The following NFATC3 variants were observed in gnomAD, a reference collection of about 807,000 sequenced individuals.
NFATC3 encodes the protein nuclear factor of activated T-cells, cytoplasmic 3.
A neutral mutation model predicts 98.6 loss-of-function variants in NFATC3; 46 were observed. That is an observed-to-expected ratio of 0.47 (90% confidence interval 0.37 to 0.60). The LOEUF is 0.60. NFATC3 is among the 20% of genes least tolerant of loss of function. The pLI, the probability that NFATC3 is intolerant of heterozygous loss-of-function variation, is 0.00. For synonymous variants in NFATC3, 512 were observed against 472.2 expected (o/e 1.08, Z -1.09); for missense variants, 1,256 against 1,295.5 (o/e 0.97, Z 0.47).
chr16:68,183,480 C>A, intron 8 of NFATC3, 114 bp downstream of exon 8: 1 of 1,123,108 alleles, frequency 8.9e-7, no homozygotes, highest in Non-Finnish European at 1.2e-6. Context: ...ACAATGAAAA[C>A]ACCAACAGAT....
intron 9 of NFATC3, among the ~76,000 whole-genome samples, chr16:68,198,482 T>C (rs2040764769): frequency 6.6e-6 from 1 of 152,230 alleles, no homozygotes; most frequent in Non-Finnish European, 1.5e-5. Flanking sequence ...TAGGAGTTTT[T>C]CTAGAATCTG....
intron 9 of NFATC3, among the ~76,000 whole-genome samples, chr16:68,222,174 C>T (rs2041886962): frequency 6.6e-6 from 1 of 150,648 alleles, no homozygotes; most frequent in Non-Finnish European, 1.5e-5. Flanking sequence ...GGCGTAGTAG[C>T]ACATGCCTGT....
intron 2 of NFATC3, 90 bp downstream of exon 2, chr16:68,123,211 T>C: frequency 5.9e-6 from 8 of 1,355,552 alleles, no homozygotes; most frequent in Non-Finnish European, 7.8e-6. Flanking sequence ...AATGGTTATA[T>C]AATGGTTTGA....
Position 68,163,516 on chromosome 16 carries a change from G to A in NFATC3, c.1602-3327G>A, listed in dbSNP as rs561664827. Among the ~76,000 whole-genome samples the A allele has an allele frequency of 9.2e-3, 1,200 of 129,734 alleles. 15 individuals are homozygous for A. The highest frequency in any genetic ancestry group is 0.032 in the African/African-American group (1,106 of 34,972). 85.1% of individuals were successfully genotyped at this position (129,734 alleles called of 152,430 possible). On this transcript the variant is annotated intron_variant, in intron 4 of 9. Coordinates refer to ENST00000346183, the MANE Select transcript of NFATC3 (RefSeq NM_173165.3). Reference sequence around the variant, plus strand: ...GGGCTGACCCCCCCACTTCCCTCCCGGACGGGGCGGCTGGCCTGGTGGGGG... The same window carrying A: ...GGGCTGACCCCCCCACTTCCCTCCCAGACGGGGCGGCTGGCCTGGTGGGGG...
chr16:68,152,760 A>C (rs1293332534), intron 3 of NFATC3, among the ~76,000 whole-genome samples: 3 of 152,194 alleles, frequency 2.0e-5, no homozygotes. Flanking sequence ...TCAAAAGAAT[A>C]CTATTTTCTG....
chr16:68,150,456 C>T (rs973897438), intron 3 of NFATC3, among the ~76,000 whole-genome samples: 1 of 150,296 alleles, frequency 6.7e-6, no homozygotes, highest in South Asian at 2.1e-4. Context: ...GTGGCACACT[C>T]CTGATGTCCT....
intron 9 of NFATC3, chr16:68,200,681 A>C (rs1397231512): frequency 1.3e-5 from 2 of 152,192 alleles, no homozygotes; most frequent in Admixed American, 1.3e-4. Flanking sequence ...GGCATAGTTC[A>C]TGACTATTTT....
At chr16:68,202,695 C>G (rs1351651324) in intron 9 of NFATC3, among the ~76,000 whole-genome samples, 1 of 151,970 alleles carries the variant, frequency 6.6e-6, no homozygotes, top group Non-Finnish European at 1.5e-5. Flanking sequence ...ACCTATAATC[C>G]CAGCTACTCG....
intron 9 of NFATC3, among the ~76,000 whole-genome samples, chr16:68,203,547 C>T (rs1240082202): frequency 2.0e-5 from 3 of 152,014 alleles, no homozygotes; most frequent in East Asian, 3.9e-4. Flanking sequence ...GTGGGAGGAT[C>T]GCTGGAGCCT....
chr16:68,100,806 G>A (rs2035302646), intron 1 of NFATC3, among the ~76,000 whole-genome samples: 1 of 151,164 alleles, frequency 6.6e-6, no homozygotes, highest in Admixed American at 6.6e-5. Context: ...TTTGCCATCC[G>A]TATATTATTT....
intron 1 of NFATC3, among the ~76,000 whole-genome samples, chr16:68,105,591 G>A (rs2035611526): frequency 6.6e-6 from 1 of 151,992 alleles, no homozygotes; most frequent in Non-Finnish European, 1.5e-5. Flanking sequence ...GTCTTGCTTT[G>A]GTATCAGGAA....
rs1170371029 is a variant in NFATC3, at chr16:68,164,073, C to T, written c.1602-2770C>T. On this transcript the variant is annotated intron_variant, in intron 4 of 9. Transcript: ENST00000346183. ...GGCGGCTGGGAGGTGGAGGTTGTAG[C>T]GAGCCGAGATCACGCCACTGCACTC... is the stretch of plus-strand genomic sequence containing the variant. Among the ~76,000 whole-genome samples the T allele has an allele frequency of 7.2e-5, 11 of 152,228 alleles. No homozygotes were observed. In the East Asian group the frequency reaches 1.2e-3, roughly 16 times the overall value.
At chr16:68,208,211 A>G (rs2041228960) in intron 9 of NFATC3, among the ~76,000 whole-genome samples, 1 of 151,414 alleles carries the variant, frequency 6.6e-6, no homozygotes, top group African/African-American at 2.4e-5. Flanking sequence ...AATTTTTTGT[A>G]TTTTTATTAG....
Position 68,157,848 on chromosome 16 carries a change from G to C in NFATC3, c.1402-21G>C, listed in dbSNP as rs986342072. On this transcript the variant is annotated intron_variant, in intron 3 of 9. Transcript: ENST00000346183. ...CATGGATAATGAATTGTGCTTTTCT[G>C]TGTTTCTTTTTCCTGATTAGCTCCT... The C allele has an allele frequency of 4.4e-6, 7 of 1,598,482 alleles. No homozygotes were observed. The Admixed American group carries it at 8.5e-5, about 19-fold the overall frequency.
chr16:68,159,288 A>G (rs1017444248), intron 4 of NFATC3, among the ~76,000 whole-genome samples: 3 of 152,140 alleles, frequency 2.0e-5, no homozygotes, highest in African/African-American at 7.2e-5. Context: ...GGAAGAAGAA[A>G]AGAAAGGATA....
intron 1 of NFATC3, among the ~76,000 whole-genome samples, chr16:68,098,291 A>ATT (rs2035130046): frequency 9.3e-6 from 1 of 107,886 alleles, no homozygotes; most frequent in African/African-American, 4.3e-5. Flanking sequence ...TATTATTATT[A>ATT]TTATTATTAT....
At chr16:68,157,632 T>TA (rs919278568) in intron 3 of NFATC3, among the ~76,000 whole-genome samples, 2 of 152,272 alleles carry the variant, frequency 1.3e-5, no homozygotes, top group South Asian at 2.1e-4. Flanking sequence ...ATATTTATCT[T>TA]AAAAAAACAA....
intron 1 of NFATC3, chr16:68,089,610 T>C (rs796510161): frequency 6.6e-6 from 1 of 152,320 alleles, no homozygotes; most frequent in African/African-American, 2.4e-5. Flanking sequence ...ACTAAACTTT[T>C]TTTTAACATT....
In NFATC3 at chr16:68,123,119, T is replaced by G. The variant is rs767183895; in HGVS notation, c.1236T>G (p.Phe412Leu). 6.3e-7 allele frequency: 1 copy of G among 1,592,176 alleles called. No homozygotes were observed. The highest frequency in any genetic ancestry group is 1.1e-5 in the South Asian group (1 of 89,756). ...SKPKPGHTPIFRTSSLPPLDW... is the reference protein window; with the variant it reads ...SKPKPGHTPILRTSSLPPLDW... Reference sequence around the variant, plus strand: ...CAAAGCCTGGCCACACCCCTATATTTCGGTGAGTTGATGGAAATGGCTGCT... The same window carrying G: ...CAAAGCCTGGCCACACCCCTATATTGCGGTGAGTTGATGGAAATGGCTGCT... The change falls in exon 2 of 10, where the codon TTT (phenylalanine) becomes TTG (leucine). Residue 412 changes from phenylalanine to leucine, a missense_variant and splice_region_variant. Coordinates refer to ENST00000346183, the MANE Select transcript of NFATC3 (RefSeq NM_173165.3).
Sources: allele counts gnomAD v4.1 joint callset (sites outside exome capture counted in the v4.1 genomes callset), GRCh38; gene constraint gnomAD v4.1.1; transcripts MANE v1.5; gene names NCBI Gene and HGNC (gene_info 2026-07-23, HGNC 2026-07-21).